SIDT1: variants seen among roughly 807,000 people sequenced by gnomAD.
SIDT1 encodes the protein SID1 transmembrane family, member 1.
A neutral mutation model predicts 107.5 loss-of-function variants in SIDT1; 101 were observed. The observed-to-expected ratio is 0.94, with a 90% CI of 0.80 to 1.11. The LOEUF (loss-of-function observed/expected upper bound fraction) is 1.11. Among genes scored for constraint, SIDT1 ranks in the 50% least tolerant of loss-of-function variants. SIDT1 has a pLI of 0.00. For missense variants in SIDT1, 1,076 were observed against 1,058.2 expected, an observed-to-expected ratio of 1.02 and a Z score of -0.23; for synonymous variants, 395 against 398.2, an observed-to-expected ratio of 0.99 and a Z score of 0.10.
rs533435818 is a variant in SIDT1, at chr3:113,616,120, G to T, written c.1987G>T (p.Ala663Ser). Residue 663 changes from alanine to serine, a missense_variant, in exon 20 of 25, where the codon GCT (alanine) becomes TCT (serine). Transcript: ENST00000264852. ...FKIDLGIFRR[A>S]AMVFYTDCIQ... ...AGCAGATTTGGGAATTTTCCGGCGGGCTGCCATGGTGTTCTACACAGACTG... is the reference window on the plus strand; with the variant it reads ...AGCAGATTTGGGAATTTTCCGGCGGTCTGCCATGGTGTTCTACACAGACTG... The T allele has an allele frequency of 3.1e-6, 5 of 1,613,814 alleles. No homozygotes were observed. The Admixed American group carries it at 5.0e-5, about 16-fold the overall frequency.
chr3:113,572,390 T>G (rs1942539691), intron 3 of SIDT1, among the ~76,000 whole-genome samples: 2 of 152,132 alleles, frequency 1.3e-5, no homozygotes. Flanking sequence ...AAGACAGGGT[T>G]ACAGGAGATA....
chr3:113,560,286 C>G (rs892601558), intron 1 of SIDT1, among the ~76,000 whole-genome samples: 4 of 152,232 alleles, frequency 2.6e-5, no homozygotes, highest in African/African-American at 9.6e-5. Context: ...TGGGGGTAAT[C>G]ACGTTGTCCT....
At chr3:113,551,812 TA>T (rs11291177) in intron 1 of SIDT1, among the ~76,000 whole-genome samples, 15,329 of 150,402 alleles carry the variant, frequency 0.1, 1,032 homozygotes, top group African/African-American at 0.18. Context: ...ATCCCGGGGG[TA>T]AAGTTTTAGG....
intron 9 of SIDT1, among the ~76,000 whole-genome samples, chr3:113,586,412 A>G (rs975578525): frequency 6.6e-6 from 1 of 152,234 alleles, no homozygotes; most frequent in Non-Finnish European, 1.5e-5. Context: ...TACTGATAGT[A>G]GAAGGGAGAA....
At chr3:113,546,758 T>C (rs1939641522) in intron 1 of SIDT1, among the ~76,000 whole-genome samples, 1 of 152,234 alleles carries the variant, frequency 6.6e-6, no homozygotes, top group Non-Finnish European at 1.5e-5. Context: ...TTGAAACGTC[T>C]TTGTTGCTGG....
At chr3:113,596,495 G>A (rs1033519576) in intron 10 of SIDT1, among the ~76,000 whole-genome samples, 2 of 152,234 alleles carry the variant, frequency 1.3e-5, no homozygotes, top group South Asian at 2.1e-4. Flanking sequence ...GAGCCTGGGT[G>A]AGATGGAAAT....
intron 20 of SIDT1, among the ~76,000 whole-genome samples, chr3:113,618,273 T>A (rs1946239627): frequency 6.6e-6 from 1 of 152,258 alleles, no homozygotes; most frequent in South Asian, 2.1e-4. Flanking sequence ...TATTTAGCAC[T>A]GAATAATATT....
chr3:113,605,203 ACCTCTGCCT>A lies in SIDT1; in HGVS notation c.1404+231_1404+239del, dbSNP rs377720184. ...AATGGCACGATGTCGGCTCACTGCA[ACCTCTGCCT>A]CCTGGATTAAAGCAATTCTCCTGCC... On this transcript the variant is annotated intron_variant, in intron 14 of 24. Coordinates refer to ENST00000264852, the MANE Select transcript of SIDT1 (RefSeq NM_017699.3). 4.4e-4 allele frequency among the ~76,000 whole-genome samples: 63 copies of A among 143,462 alleles called. 1 individual carries two copies. Among genetic ancestry groups the A allele is most frequent in the African/African-American group, 6.7e-4 (26 of 39,010 alleles). 94.1% of individuals were successfully genotyped at this position (143,462 alleles called of 152,430 possible). A position where few individuals can be genotyped will look rare whatever the true frequency, so the allele number is the denominator to read the frequency against.
chr3:113,535,552 T>C (rs1576675398), intron 1 of SIDT1, among the ~76,000 whole-genome samples: 1 of 152,254 alleles, frequency 6.6e-6, no homozygotes, highest in South Asian at 2.1e-4. Context: ...ATGTCCTTTA[T>C]TTTATGAAAC....
chr3:113,535,025 C>T (rs1937951462), intron 1 of SIDT1, among the ~76,000 whole-genome samples: 1 of 152,194 alleles, frequency 6.6e-6, no homozygotes, highest in African/African-American at 2.4e-5. Flanking sequence ...GTAATCCCAG[C>T]ACTCTGGAGG....
chr3:113,566,338 T>G (rs200318986), intron 1 of SIDT1, 82 bp from the exon 2 acceptor site: 473 of 1,098,614 alleles, frequency 4.3e-4, no homozygotes, highest in African/African-American at 2.8e-3. Flanking sequence ...TTGTGTGTGT[T>G]TGTGTGTGTG....
chr3:113,606,859 T>TAA, intron 14 of SIDT1, 182 bp from the exon 15 acceptor site: 1 of 490,804 alleles, frequency 2.0e-6, no homozygotes, highest in Admixed American at 3.4e-5. Flanking sequence ...AACTTTTTTG[T>TAA]AAAAAAAGTG....
At chr3:113,554,744 G>A (rs372211002) in intron 1 of SIDT1, among the ~76,000 whole-genome samples, 6 of 152,158 alleles carry the variant, frequency 3.9e-5, no homozygotes, top group African/African-American at 1.2e-4. Flanking sequence ...ATGAGTATTA[G>A]CTAGAGGTAG....
At chr3:113,592,810 ACTCCTGACTTTGTGAT>A (rs1278059245) in intron 9 of SIDT1, 179 bp from the exon 10 acceptor site, 1 of 540,758 alleles carries the variant, frequency 1.8e-6, no homozygotes, top group Non-Finnish European at 3.4e-6. Context: ...CTGGTCTTGA[ACTCCTGACTTTGTGAT>A]CCGCCTGCCT....
rs1276035529 is a variant in SIDT1, at chr3:113,608,148, C to T, written c.1533C>T (p.Phe511=). ...GCCACGTGCTTCTGGGCTTCCTCTT[C>T]CTGCTGATAGTCTTGCGCCGCGACA... ...NLGHVLLGFL[F]LLIVLRRDIL... Residue 511 remains phenylalanine, a synonymous_variant, in exon 16 of 25, where the codon TTC becomes TTT. Coordinates refer to ENST00000264852, the MANE Select transcript of SIDT1 (RefSeq NM_017699.3). The T allele has an allele frequency of 3.7e-6, 6 of 1,612,914 alleles. No homozygotes were observed. The highest frequency in any genetic ancestry group is 2.7e-5 in the African/African-American group (2 of 74,986).
chr3:113,611,020 T>C lies in SIDT1; in HGVS notation c.1733T>C (p.Met578Thr). The change falls in exon 18 of 25, where the codon ATG becomes ACG. Residue 578 changes from methionine to threonine, a missense_variant. Met to Thr is a moderately conservative substitution (Grantham distance 81, BLOSUM62 -1). Transcript: ENST00000264852. ...YSNFQFDTSF[M>T]YMIAGLCMLK... ...TTTGGGTCCTCAGACACCTCCTTCA[T>C]GTACATGATCGCTGGCCTGTGCATG... 3 of 1,613,934 alleles carry C rather than the reference T, an allele frequency of 1.9e-6. No individual in the cohort carries two copies. Among genetic ancestry groups the C allele is most frequent in the Non-Finnish European group, 2.5e-6 (3 of 1,179,898 alleles).
intron 1 of SIDT1, among the ~76,000 whole-genome samples, chr3:113,559,911 T>C (rs1286169981): frequency 1.3e-5 from 2 of 152,220 alleles, no homozygotes; most frequent in African/African-American, 4.8e-5. Flanking sequence ...ATGGTGTTTA[T>C]ATAGCTTCTT....
chr3:113,566,336 GTT>G lies in SIDT1; in HGVS notation c.223-82_223-81del, dbSNP rs1491206559. On this transcript the variant is annotated intron_variant, in intron 1 of 24. Transcript: ENST00000264852. ...AACTATGGTGTGTGTGTTTGTGTGT[GTT>G]TGTGTGTGTGTGTGTGTGTGTGTGT... is the stretch of plus-strand genomic sequence containing the variant. 3.0e-5 allele frequency: 38 copies of G among 1,258,270 alleles called. No individual in the cohort carries two copies. In the East Asian group the frequency reaches 6.3e-4, roughly 21 times the overall value. The allele number at this position is 1,258,270 out of a possible 1,614,324, so 77.9% of individuals were successfully genotyped here.
intron 4 of SIDT1, among the ~76,000 whole-genome samples, chr3:113,577,685 A>C (rs890841390): frequency 4.6e-5 from 7 of 152,328 alleles, no homozygotes; most frequent in South Asian, 4.1e-4. Context: ...GCATGTTCGA[A>C]ACAAGTTTAT....
Sources: allele counts gnomAD v4.1 joint callset (sites outside exome capture counted in the v4.1 genomes callset), GRCh38; gene constraint gnomAD v4.1.1; transcripts MANE v1.5; gene names NCBI Gene and HGNC (gene_info 2026-07-23, HGNC 2026-07-21).